RAP2A: variants seen among roughly 807,000 people sequenced by gnomAD.
RAP2A encodes the protein RAP2A, member of RAS oncogene family.
RAP2A carries 5 observed loss-of-function variants against 15.1 expected under a neutral mutation model. The ratio of observed to expected loss-of-function variants is 0.33; its 90% CI spans 0.17 to 0.70. The LOEUF (loss-of-function observed/expected upper bound fraction) is 0.70, where lower values mean the gene tolerates loss of function less well. Ranked by LOEUF, RAP2A falls within the 30% of genes least tolerant of loss-of-function variation. RAP2A has a pLI of 0.68. For synonymous variants in RAP2A, 110 were observed against 99.7 expected (o/e 1.10, Z -0.62); for missense variants, 111 against 240.3 (o/e 0.46, Z 3.56).
chr13:97,451,166 G>A (rs987789680), intron 1 of RAP2A, among the ~76,000 whole-genome samples: 1 of 152,124 alleles, frequency 6.6e-6, no homozygotes, highest in Non-Finnish European at 1.5e-5. Flanking sequence ...GCATGTGCAT[G>A]CAATTTGTCT....
intron 1 of RAP2A, among the ~76,000 whole-genome samples, chr13:97,459,716 T>C (rs1177625281): frequency 6.6e-6 from 1 of 152,230 alleles, no homozygotes; most frequent in African/African-American, 2.4e-5. Flanking sequence ...GATCATCTTA[T>C]TTAAAACTGT....
intron 1 of RAP2A, chr13:97,437,243 T>G (rs1233594660): frequency 6.6e-6 from 1 of 152,226 alleles, no homozygotes; most frequent in African/African-American, 2.4e-5. Flanking sequence ...TTCTTTATAC[T>G]GTGTCTTCAA....
At chr13:97,439,517 G>T (rs1315863610) in intron 1 of RAP2A, among the ~76,000 whole-genome samples, 1 of 152,192 alleles carries the variant, frequency 6.6e-6, no homozygotes, top group Admixed American at 6.5e-5. Flanking sequence ...GAACAAATAG[G>T]ATTATGGAGG....
chr13:97,454,826 T>G (rs1389854857), intron 1 of RAP2A, among the ~76,000 whole-genome samples: 1 of 151,494 alleles, frequency 6.6e-6, no homozygotes, highest in Admixed American at 6.6e-5. Context: ...TTTTCTTAGA[T>G]TTCCTTCACT....
At position 97,464,663 on chromosome 13, in the gene RAP2A, C is replaced by T; in HGVS notation, c.*221C>T. The T allele has an allele frequency of 1.8e-6, 1 of 568,194 alleles. No homozygotes were observed. Among genetic ancestry groups the T allele is most frequent in the East Asian group, 2.9e-5 (1 of 34,668 alleles). The allele number at this position is 568,194 out of a possible 1,614,324, so 35.2% of individuals were successfully genotyped here. On this transcript the variant is annotated 3_prime_UTR_variant, in exon 2 of 2. Coordinates refer to ENST00000245304, the MANE Select transcript of RAP2A (RefSeq NM_021033.7). ...TTTGTCCTCAGTCTCCTTTATGCAT[C>T]TGCAACTTTAAGGCATAGTCCATCG...
Position 97,468,600 on chromosome 13 carries a change from A to T in RAP2A, c.*4158A>T, listed in dbSNP as rs900796520. 1 of 152,270 alleles carries T rather than the reference A, an allele frequency of 6.6e-6. No individual in the cohort carries two copies. Among genetic ancestry groups the T allele is most frequent in the Non-Finnish European group, 1.5e-5 (1 of 68,050 alleles). 9.4% of individuals were successfully genotyped at this position (152,270 alleles called of 1,614,324 possible). On this transcript the variant is annotated 3_prime_UTR_variant, in exon 2 of 2. Transcript: ENST00000245304. ...TGAAATCCTCTGGCAGCATTCCACC[A>T]GTTGAGAAGCTTCATTGTTTTAGAT...
At chr13:97,449,221 A>G (rs999786169) in intron 1 of RAP2A, among the ~76,000 whole-genome samples, 7 of 152,072 alleles carry the variant, frequency 4.6e-5, no homozygotes, top group Admixed American at 3.3e-4. Context: ...TCTGCTACAT[A>G]TTTTTATGGG....
intron 1 of RAP2A, among the ~76,000 whole-genome samples, chr13:97,459,245 C>CAAATGATGAAAAGGGGGTAAGGAAG (rs748364942): frequency 8.8e-4 from 132 of 150,464 alleles, no homozygotes; most frequent in Non-Finnish European, 8.4e-4. Context: ...GCTTTATGTC[C>CAAATGATGAAAAGGGGGTAAGGAAG]AAATGATGAA....
At chr13:97,443,305 A>C (rs2066665610) in intron 1 of RAP2A, among the ~76,000 whole-genome samples, 1 of 152,234 alleles carries the variant, frequency 6.6e-6, no homozygotes, top group African/African-American at 2.4e-5. Context: ...AATAATTCAA[A>C]TGTGGAAATA....
At chr13:97,453,554 T>C (rs2066711136) in intron 1 of RAP2A, among the ~76,000 whole-genome samples, 1 of 151,428 alleles carries the variant, frequency 6.6e-6, no homozygotes, top group Admixed American at 6.6e-5. Context: ...TGTGTATCCA[T>C]AGGTCATTCC....
rs369786915 is a variant in RAP2A, at chr13:97,434,635, C to T, written c.165C>T (p.Ile55=). 2.2e-5 allele frequency: 35 copies of T among 1,614,014 alleles called. No individual in the cohort carries two copies. Among genetic ancestry groups the T allele is most frequent in the African/African-American group, 4.0e-5 (3 of 74,916 alleles). ...EVDSSPSVLE[I]LDTAGTEQFA... Reference sequence around the variant, plus strand: ...ATTCGTCGCCGTCGGTGCTGGAGATCCTGGACACGGCGGGCACCGAGCAGT... The same window carrying T: ...ATTCGTCGCCGTCGGTGCTGGAGATTCTGGACACGGCGGGCACCGAGCAGT... The change falls in exon 1 of 2, where the codon ATC becomes ATT. Residue 55 remains isoleucine, a synonymous_variant. Coordinates refer to ENST00000245304, the MANE Select transcript of RAP2A (RefSeq NM_021033.7).
At chr13:97,459,466 C>T (rs1401882540) in intron 1 of RAP2A, among the ~76,000 whole-genome samples, 2 of 152,150 alleles carry the variant, frequency 1.3e-5, no homozygotes, top group Admixed American at 1.3e-4. Flanking sequence ...TTTTGGCACC[C>T]GAATTCCTGA....
At chr13:97,457,003 T>A (rs2066725722) in intron 1 of RAP2A, among the ~76,000 whole-genome samples, 1 of 152,146 alleles carries the variant, frequency 6.6e-6, no homozygotes, top group South Asian at 2.1e-4. Flanking sequence ...CAATTCTTTC[T>A]TCAAAACTCC....
chr13:97,453,543 G>A (rs1186452480), intron 1 of RAP2A, among the ~76,000 whole-genome samples: 4 of 151,424 alleles, frequency 2.6e-5, no homozygotes, highest in East Asian at 3.9e-4. Context: ...CCAAGGTGTT[G>A]TGTGTATCCA....
At chr13:97,444,376 TTAA>T (rs1316589299) in intron 1 of RAP2A, among the ~76,000 whole-genome samples, 7 of 152,162 alleles carry the variant, frequency 4.6e-5, no homozygotes, top group African/African-American at 1.2e-4. Flanking sequence ...TTTAAAAAAG[TTAA>T]TAATGACAGT....
chr13:97,435,294 T>A (rs1241067352), intron 1 of RAP2A, among the ~76,000 whole-genome samples: 1 of 152,172 alleles, frequency 6.6e-6, no homozygotes, highest in Non-Finnish European at 1.5e-5. Context: ...GTCTCTAATT[T>A]AGTGCAAAAC....
At chr13:97,437,323 A>T (rs961408454) in intron 1 of RAP2A, 5 of 152,188 alleles carry the variant, frequency 3.3e-5, no homozygotes, top group Non-Finnish European at 7.4e-5. Flanking sequence ...CAGTAGCCGT[A>T]TGTGGCCACA....
chr13:97,457,866 G>A (rs375274498), intron 1 of RAP2A, among the ~76,000 whole-genome samples: 1 of 151,768 alleles, frequency 6.6e-6, no homozygotes, highest in East Asian at 1.9e-4. Context: ...TATTTAATTT[G>A]AGCAAGAGTA....
intron 1 of RAP2A, among the ~76,000 whole-genome samples, chr13:97,443,762 G>T (rs987865209): frequency 6.6e-6 from 1 of 152,166 alleles, no homozygotes; most frequent in African/African-American, 2.4e-5. Flanking sequence ...CTCGAATGGA[G>T]TATTTTATTG....
Sources: gnomAD v4.1 joint callset for allele counts (sites outside exome capture counted in the v4.1 genomes callset) on GRCh38, gnomAD v4.1.1 for gene constraint, MANE v1.5 for transcripts, NCBI Gene and HGNC (gene_info 2026-07-23, HGNC 2026-07-21) for gene names.